Variants in SEMA6A observed in about 807,000 individuals in gnomAD.
SEMA6A encodes semaphorin-6A.
Under a neutral mutation model 96.8 loss-of-function variants are expected in SEMA6A, and 25 were observed. The ratio of observed to expected loss-of-function variants is 0.26; its 90% confidence interval spans 0.19 to 0.36. The LOEUF is 0.36. Among genes scored for constraint, SEMA6A ranks in the 10% least tolerant of loss-of-function variants. The pLI, the probability that SEMA6A is intolerant of heterozygous loss-of-function variation, is 1.00. For missense variants in SEMA6A, 1,363 were observed against 1,323.1 expected (o/e 1.03, Z -0.47); for synonymous variants, 612 against 518.0 (o/e 1.18, Z -2.46).
chr5:116,491,896 T>C (rs1187525862), intron 6 of SEMA6A, 66 bp from the exon 7 acceptor site: 34 of 1,330,798 alleles, frequency 2.6e-5, no homozygotes, highest in Non-Finnish European at 3.6e-5. Flanking sequence ...CCCTCAGAAA[T>C]AATTTCCAGG....
chr5:116,467,450 T>G (rs1428717542), intron 18 of SEMA6A, 133 bp downstream of exon 18: 3 of 856,724 alleles, frequency 3.5e-6, no homozygotes, highest in Non-Finnish European at 5.2e-6. Context: ...GCAGTCTTTT[T>G]CGAGAAACTT....
intron 1 of SEMA6A, among the ~76,000 whole-genome samples, chr5:116,520,813 C>A (rs1227515030): frequency 6.6e-6 from 1 of 152,062 alleles, no homozygotes; most frequent in Non-Finnish European, 1.5e-5. Flanking sequence ...CCATGGAGAA[C>A]CTGACTGCCT....
Position 116,488,152 on chromosome 5 carries a change from A to C in SEMA6A, c.700T>G (p.Phe234Val). The part of the protein sequence containing the change: ...QAVDYGDYIY[F>V]FFREIAVEYN... ...TCCACTGCTATTTCCCTGAAGAAGA[A>C]GTAGATATAATCTCCGTAATCCACG... is the stretch of plus-strand genomic sequence containing the variant. The change falls in exon 9 of 19, where the codon TTC becomes GTC. Residue 234 changes from phenylalanine (F) to valine (V), a missense_variant. Transcript: ENST00000343348. 6.2e-7 allele frequency: 1 copy of C among 1,612,486 alleles called. No homozygotes were observed. Among genetic ancestry groups the C allele is most frequent in the Non-Finnish European group, 8.5e-7 (1 of 1,179,166 alleles).
At chr5:116,509,605 T>TGAGAGAGAGAGAGA (rs143399883) in intron 1 of SEMA6A, among the ~76,000 whole-genome samples, 144 of 133,926 alleles carry the variant, frequency 1.1e-3, no homozygotes, top group African/African-American at 3.9e-3. Context: ...TCTCTGTGTG[T>TGAGAGAGAGAGAGA]GTGAGAGAGA....
At chr5:116,448,054 C>T (rs1328270537) in intron 18 of SEMA6A, among the ~76,000 whole-genome samples, 1 of 151,788 alleles carries the variant, frequency 6.6e-6, no homozygotes, top group South Asian at 2.1e-4. Context: ...GCTGTTCAGG[C>T]CGGGCACGGT....
chr5:116,517,571 T>C (rs1242792377), intron 1 of SEMA6A, among the ~76,000 whole-genome samples: 1 of 152,226 alleles, frequency 6.6e-6, no homozygotes, highest in Non-Finnish European at 1.5e-5. Flanking sequence ...TTACTTATTT[T>C]TCATTTCCTA....
At chr5:116,550,215 C>T (rs761821106) in intron 1 of SEMA6A, 11 of 152,068 alleles carry the variant, frequency 7.2e-5, no homozygotes, top group Non-Finnish European at 1.6e-4. Flanking sequence ...TCTAAGCATC[C>T]TTGGTTTTTA....
chr5:116,571,113 T>A (rs59374726), intron 1 of SEMA6A, among the ~76,000 whole-genome samples: 3,754 of 151,572 alleles, frequency 0.025, 157 homozygotes, highest in African/African-American at 0.086. Context: ...AGGCATATAT[T>A]TTTTTTTTCA....
At chr5:116,458,237 G>A (rs1008297551) in intron 18 of SEMA6A, among the ~76,000 whole-genome samples, 1 of 152,150 alleles carries the variant, frequency 6.6e-6, no homozygotes, top group Non-Finnish European at 1.5e-5. Context: ...ACAAAATCTA[G>A]ATGAACACAG....
rs1157555584 is a variant in SEMA6A at position 116,443,627 on chromosome 5, TTTTTC to T, written c.*2981_*2985del. On this transcript the variant is annotated 3_prime_UTR_variant, in exon 19 of 19. Transcript: ENST00000343348. The stretch of plus-strand genomic sequence containing the variant: ...TTTCCTTGCTTTTCTTTTTTCCCTT[TTTTTC>T]TTTTCTTTTTTCTTTTCTTACAACA... 19 of 152,654 alleles carry T rather than the reference TTTTTC, an allele frequency of 1.2e-4. No individual in the cohort carries two copies. Among genetic ancestry groups the T allele is most frequent in the Non-Finnish European group, 2.4e-4 (16 of 68,044 alleles). The allele number at this position is 152,654 out of a possible 1,614,324, so 9.5% of individuals were successfully genotyped here. A position where few individuals can be genotyped will look rare whatever the true frequency, so the allele number is the denominator to read the frequency against.
intron 1 of SEMA6A, among the ~76,000 whole-genome samples, chr5:116,557,251 A>G (rs1185765576): frequency 6.6e-6 from 1 of 152,216 alleles, no homozygotes. Flanking sequence ...TTTTTGAGAC[A>G]GAGTCTCATT....
chr5:116,465,624 A>T (rs1755680716), intron 18 of SEMA6A, among the ~76,000 whole-genome samples: 1 of 152,192 alleles, frequency 6.6e-6, no homozygotes, highest in Admixed American at 6.5e-5. Flanking sequence ...AAGACCCAAG[A>T]GAATGAACAA....
intron 7 of SEMA6A, among the ~76,000 whole-genome samples, chr5:116,489,977 C>T (rs554797386): frequency 9.0e-4 from 137 of 152,242 alleles, no homozygotes; most frequent in African/African-American, 3.2e-3. Context: ...AGTTGTATGT[C>T]AAAGTGACTT....
chr5:116,480,786 AT>A (rs1163605629), intron 11 of SEMA6A, among the ~76,000 whole-genome samples: 6 of 152,114 alleles, frequency 3.9e-5, no homozygotes, highest in Admixed American at 1.3e-4. Flanking sequence ...CTCAGAGAAC[AT>A]TTTGGTTTTG....
chr5:116,518,753 T>C (rs1475942864), intron 1 of SEMA6A, among the ~76,000 whole-genome samples: 1 of 152,202 alleles, frequency 6.6e-6, no homozygotes, highest in African/African-American at 2.4e-5. Flanking sequence ...TAGCCCTGGT[T>C]ACTGGGAAGC....
At chr5:116,537,183 A>G (rs1242783488) in intron 1 of SEMA6A, among the ~76,000 whole-genome samples, 1 of 152,226 alleles carries the variant, frequency 6.6e-6, no homozygotes, top group Non-Finnish European at 1.5e-5. Context: ...AAACTGCAGC[A>G]TGTGTTCATA....
At chr5:116,457,523 T>C (rs1195259943) in intron 18 of SEMA6A, among the ~76,000 whole-genome samples, 1 of 152,240 alleles carries the variant, frequency 6.6e-6, no homozygotes, top group Non-Finnish European at 1.5e-5. Context: ...TTAAAAATAA[T>C]TGGAGTGGAA....
At chr5:116,527,151 C>CTG (rs1041828775) in intron 1 of SEMA6A, among the ~76,000 whole-genome samples, 105 of 152,142 alleles carry the variant, frequency 6.9e-4, no homozygotes, top group African/African-American at 2.5e-3. Flanking sequence ...CTACTCCCGA[C>CTG]AATAAAGTTT....
chr5:116,481,044 C>G (rs1756736478), intron 11 of SEMA6A, among the ~76,000 whole-genome samples: 1 of 152,146 alleles, frequency 6.6e-6, no homozygotes, highest in Non-Finnish European at 1.5e-5. Context: ...ATTGGACCCT[C>G]ACGACACCAG....
Sources: allele counts gnomAD v4.1 joint callset (sites outside exome capture counted in the v4.1 genomes callset), GRCh38; gene constraint gnomAD v4.1.1; transcripts MANE v1.5; gene names NCBI Gene and HGNC (gene_info 2026-07-23, HGNC 2026-07-21).